BET1: variants seen among roughly 807,000 people sequenced by gnomAD.
The protein encoded by BET1 is Bet1 golgi vesicular membrane trafficking protein.
Under a neutral mutation model 13.9 loss-of-function variants are expected in BET1, and 9 were observed. That is an observed-to-expected ratio of 0.65 (90% CI 0.39 to 1.13). The LOEUF (loss-of-function observed/expected upper bound fraction) is 1.13. Among genes scored for constraint, BET1 ranks in the 50% most tolerant of loss-of-function variants. The pLI, the probability that BET1 is intolerant of heterozygous loss-of-function variation, is 0.01. For missense variants in BET1, 127 were observed against 133.6 expected (o/e 0.95, Z 0.24); for synonymous variants, 39 against 47.3 (o/e 0.82, Z 0.72).
At chr7:93,997,987 GGGA>G (rs1474945256) in intron 2 of BET1, among the ~76,000 whole-genome samples, 1 of 152,180 alleles carries the variant, frequency 6.6e-6, no homozygotes, top group Non-Finnish European at 1.5e-5. Flanking sequence ...AAAGTTTGGA[GGGA>G]GGGGGTGCAA....
chr7:94,000,871 T>C (rs1027572126), intron 1 of BET1, among the ~76,000 whole-genome samples: 19 of 152,132 alleles, frequency 1.2e-4, no homozygotes, highest in Admixed American at 5.2e-4. Context: ...ACACAGTTGC[T>C]TGCACCTATA....
chr7:93,986,734 G>T lies in BET1; in HGVS notation c.235+7618C>A, dbSNP rs78898594. 7.5e-3 allele frequency among the ~76,000 whole-genome samples: 1,136 copies of T among 152,238 alleles called. 6 individuals are homozygous for T. Among genetic ancestry groups the T allele is most frequent in the Middle Eastern group, 0.027 (8 of 294 alleles). The stretch of plus-strand genomic sequence containing the variant: ...AATGGTGGTCCCATCAGATTAACTG[G>T]AGCTGAAAAATTCCTATCCCCTAGT... On this transcript the variant is annotated intron_variant and NMD_transcript_variant, in intron 4 of 6. Coordinates refer to the BET1 transcript ENST00000357520.
At chr7:93,970,386 CTTTG>C (rs1185902195) in intron 6 of BET1, among the ~76,000 whole-genome samples, 1 of 151,722 alleles carries the variant, frequency 6.6e-6, no homozygotes, top group African/African-American at 2.4e-5. Flanking sequence ...AATTGCACCT[CTTTG>C]TTTGGTGGAT....
At chr7:93,999,079 T>C (rs1271252499) in intron 2 of BET1, 91 bp downstream of exon 2, 3 of 1,016,796 alleles carry the variant, frequency 3.0e-6, no homozygotes, top group Non-Finnish European at 2.6e-6. Context: ...AATGAATTCC[T>C]TAGGATGACG....
chr7:93,996,880 T>C (rs1028077890), intron 2 of BET1, among the ~76,000 whole-genome samples: 3 of 151,844 alleles, frequency 2.0e-5, no homozygotes, highest in Non-Finnish European at 4.4e-5. Flanking sequence ...GAAGTACCCA[T>C]ACAACCAATT....
rs1431513674 is a variant in BET1 at position 93,976,004 on chromosome 7, CTTTT to C, written c.328_331del (p.Lys110GlufsTer22). The C allele has an allele frequency of 2.3e-6, 3 of 1,280,296 alleles. No homozygotes were observed. The Admixed American group carries it at 6.9e-5, about 29-fold the overall frequency. The allele number at this position is 1,280,296 out of a possible 1,614,324, so 79.3% of individuals were successfully genotyped here. ...GATGGCACTGAAAGTAAGCCTCCTT[CTTTT>C]TAAGCTTCTGGACAAATGCTGAGGA... is the stretch of plus-strand genomic sequence containing the variant. On this transcript the variant is annotated frameshift_variant and NMD_transcript_variant, in exon 5 of 7. Coordinates refer to the BET1 transcript ENST00000357520.
chr7:93,971,181 C>T (rs1795253853), intron 6 of BET1, among the ~76,000 whole-genome samples: 2 of 151,774 alleles, frequency 1.3e-5, no homozygotes, highest in South Asian at 2.1e-4. Context: ...GCAGAAATAC[C>T]TATAGAATAC....
At chr7:93,988,658 G>A (rs554776512), downstream of BET1, among the ~76,000 whole-genome samples, 17 of 152,078 alleles carry the variant, frequency 1.1e-4, no homozygotes, top group East Asian at 1.2e-3. Flanking sequence ...AGCAACACTC[G>A]TACACTTAAT....
chr7:93,996,305 C>A lies in BET1; in HGVS notation c.161G>T (p.Gly54Val), dbSNP rs762604788. Residue 54 changes from glycine to valine, a missense_variant, in exon 3 of 4, where the codon GGC (glycine) becomes GTC (valine). Transcript: ENST00000222547. ...TTTATTCTGGGTTTTAACTTCATGGCCTATTTCAATGGAAAGCTATAAAGA... is the reference window on the plus strand; with the variant it reads ...TTTATTCTGGGTTTTAACTTCATGGACTATTTCAATGGAAAGCTATAAAGA... ...TAIKSLSIEI[G>V]HEVKTQNKLL... is the part of the protein sequence containing the mutation. 1 of 1,579,458 alleles carries A rather than the reference C, an allele frequency of 6.3e-7. No homozygotes were observed. The highest frequency in any genetic ancestry group is 1.2e-5 in the South Asian group (1 of 85,538).
At chr7:94,000,526 C>T (rs1437713385) in intron 1 of BET1, among the ~76,000 whole-genome samples, 3 of 152,156 alleles carry the variant, frequency 2.0e-5, no homozygotes, top group Non-Finnish European at 4.4e-5. Flanking sequence ...ACCGGGACTG[C>T]ACAGGATTAC....
At chr7:93,972,349 A>G (rs956496516) in intron 6 of BET1, 2 of 151,930 alleles carry the variant, frequency 1.3e-5, no homozygotes, top group African/African-American at 4.8e-5. Flanking sequence ...TATTCAATTA[A>G]CATTTACAGA....
chr7:93,967,892 C>T (rs1258567505), intron 6 of BET1, among the ~76,000 whole-genome samples: 1 of 151,732 alleles, frequency 6.6e-6, no homozygotes. Context: ...TTTCTTTGCC[C>T]ATAAAGGAAA....
chr7:93,972,141 A>G (rs1795266970), intron 6 of BET1, among the ~76,000 whole-genome samples: 1 of 151,804 alleles, frequency 6.6e-6, no homozygotes, highest in Admixed American at 6.6e-5. Flanking sequence ...TTCATCTGTG[A>G]TTGTATACGA....
Position 93,996,033 on chromosome 7 carries a change from G to C in BET1, c.201+232C>G. On this transcript the variant is annotated intron_variant, in intron 3 of 3. Transcript: ENST00000222547. The stretch of plus-strand genomic sequence containing the variant: ...TTTTTAACAATCATTCTAAAAACAG[G>C]ATTAAAGATATATTGGCTTCCACTT... 5.8e-6 allele frequency: 3 copies of C among 518,460 alleles called. No homozygotes were observed. The Admixed American group carries it at 1.2e-4, about 22-fold the overall frequency. The allele number at this position is 518,460 out of a possible 1,614,324, so 32.1% of individuals were successfully genotyped here.
chr7:93,966,193 G>C (rs961627255), intron 6 of BET1, among the ~76,000 whole-genome samples: 1 of 151,884 alleles, frequency 6.6e-6, no homozygotes, highest in African/African-American at 2.4e-5. Flanking sequence ...TTGATTGATT[G>C]GTCCCAAGTA....
intron 3 of BET1, 57 bp downstream of exon 3, chr7:93,996,208 T>C: frequency 7.8e-7 from 1 of 1,274,746 alleles, no homozygotes; most frequent in South Asian, 1.3e-5. Context: ...AAGTTGAAAT[T>C]CTATTATTTG....
intron 5 of BET1, among the ~76,000 whole-genome samples, chr7:93,973,042 G>C (rs1009731770): frequency 6.6e-6 from 1 of 151,840 alleles, no homozygotes; most frequent in African/African-American, 2.4e-5. Flanking sequence ...AAATGAAAGA[G>C]TATCAGGAAT....
Position 93,978,216 on chromosome 7 carries a change from T to C in BET1, c.236-2116A>G, listed in dbSNP as rs149233349. Among the ~76,000 whole-genome samples the C allele has an allele frequency of 1.5e-3, 230 of 152,206 alleles. 3 individuals are homozygous for C. The highest frequency in any genetic ancestry group is 1.4e-3 in the Non-Finnish European group (97 of 67,992). On this transcript the variant is annotated intron_variant and NMD_transcript_variant, in intron 4 of 6. Coordinates refer to the BET1 transcript ENST00000357520. Reference sequence around the variant, plus strand: ...CTCCCCATAGCTGGGACTAAAGGCATGTACCATGATGCCCGGTTAATTTTG... The same window carrying C: ...CTCCCCATAGCTGGGACTAAAGGCACGTACCATGATGCCCGGTTAATTTTG...
chr7:93,980,219 T>A (rs1191833132), intron 4 of BET1, among the ~76,000 whole-genome samples: 1 of 152,112 alleles, frequency 6.6e-6, no homozygotes, highest in Admixed American at 6.6e-5. Context: ...TTAATGTCAA[T>A]CCTTCTCAAA....
Sources: allele counts gnomAD v4.1 joint callset (sites outside exome capture counted in the v4.1 genomes callset), GRCh38; gene constraint gnomAD v4.1.1; transcripts MANE v1.5; gene names NCBI Gene and HGNC (gene_info 2026-07-23, HGNC 2026-07-21).